The following ZFAT variants were observed in gnomAD, a reference collection of about 807,000 sequenced individuals.
ZFAT encodes the protein zinc finger and AT-hook domain containing.
ZFAT carries 64 observed loss-of-function variants against 117.7 expected under a neutral mutation model. The ratio of observed to expected loss-of-function variants is 0.54; its 90% CI spans 0.44 to 0.67. ZFAT has a LOEUF of 0.67. ZFAT is among the 30% of genes least tolerant of loss of function. ZFAT has a pLI of 0.00. For missense variants in ZFAT, 1,433 were observed against 1,584.5 expected, an observed-to-expected ratio of 0.90 and a Z score of 1.62; for synonymous variants, 679 against 615.0, an observed-to-expected ratio of 1.10 and a Z score of -1.54.
chr8:134,602,233 G>A lies in ZFAT; in HGVS notation c.1486C>T (p.Gln496Ter), dbSNP rs753678729. The A allele has an allele frequency of 6.2e-7, 1 of 1,613,620 alleles. No individual in the cohort carries two copies. The highest frequency in any genetic ancestry group is 2.2e-5 in the East Asian group (1 of 44,900). ...EALVFTSSIN[Q>*]SFCLLEPGGD... ...CCAGGTTCCAGGAGGCAGAAGCTCT[G>A]GTTGATGGAACTGGTGAAGACCAAG... Residue 496 changes from glutamine to a stop codon, truncating the protein, a stop_gained, in exon 6 of 16, where the codon CAG becomes TAG. Coordinates refer to ENST00000377838, the MANE Select transcript of ZFAT (RefSeq NM_020863.4). LOFTEE classifies it high-confidence loss of function.
intron 1 of ZFAT, among the ~76,000 whole-genome samples, chr8:134,677,182 T>C (rs1346929424): frequency 6.6e-6 from 1 of 151,878 alleles, no homozygotes; most frequent in African/African-American, 2.4e-5. Context: ...ATCAACAAAA[T>C]AGATAGACTT....
chr8:134,758,940 C>T, the ZFAT span, among the ~76,000 whole-genome samples: 1 of 152,026 alleles, frequency 6.6e-6, no homozygotes, highest in Non-Finnish European at 1.5e-5. Flanking sequence ...CAATGATGTG[C>T]CATGAATCAT....
intron 1 of ZFAT, among the ~76,000 whole-genome samples, chr8:134,685,305 C>A (rs1833266394): frequency 1.3e-5 from 2 of 152,290 alleles, no homozygotes; most frequent in Admixed American, 1.3e-4. Context: ...ATCTGCCCAC[C>A]CACCTGGTAC....
At chr8:134,717,124 T>G (rs1814220394), upstream of ZFAT, among the ~76,000 whole-genome samples, 1 of 152,214 alleles carries the variant, frequency 6.6e-6, no homozygotes, top group African/African-American at 2.4e-5. Flanking sequence ...AACTGCTATA[T>G]GGCCCTGCTA....
chr8:134,497,368 G>A (rs1818531129), intron 15 of ZFAT, among the ~76,000 whole-genome samples: 1 of 152,218 alleles, frequency 6.6e-6, no homozygotes, highest in Non-Finnish European at 1.5e-5. Context: ...CTGAGAACAG[G>A]CTTCTAAAAT....
intron 11 of ZFAT, chr8:134,564,984 C>T: frequency 8.0e-7 from 1 of 1,257,044 alleles, no homozygotes; most frequent in Non-Finnish European, 1.0e-6. Context: ...TCGGGTGACT[C>T]ACCTGCAGCA....
intron 3 of ZFAT, among the ~76,000 whole-genome samples, chr8:134,619,607 AG>A (rs1273829700): frequency 6.6e-6 from 1 of 152,200 alleles, no homozygotes; most frequent in Non-Finnish European, 1.5e-5. Context: ...TTTCACTGGA[AG>A]TCTTCCACCG....
intron 3 of ZFAT, among the ~76,000 whole-genome samples, chr8:134,634,054 C>A (rs1054952456): frequency 3.1e-5 from 3 of 97,232 alleles, no homozygotes; most frequent in Admixed American, 2.6e-4. Context: ...CTCAAAAAAA[C>A]AAAACAAAAC....
chr8:134,615,361 A>AT (rs1197296339), intron 3 of ZFAT, among the ~76,000 whole-genome samples: 1 of 151,896 alleles, frequency 6.6e-6, no homozygotes, highest in Admixed American at 6.6e-5. Flanking sequence ...TGATTTTTGT[A>AT]TTTTTTTAGT....
At chr8:134,492,921 T>G (rs1268712345) in intron 15 of ZFAT, among the ~76,000 whole-genome samples, 2 of 152,176 alleles carry the variant, frequency 1.3e-5, no homozygotes, top group Non-Finnish European at 2.9e-5. Context: ...AGCCATTCCA[T>G]ACATCAACGG....
chr8:134,682,666 AAAATT>A (rs1833127000), intron 1 of ZFAT, among the ~76,000 whole-genome samples: 3 of 152,250 alleles, frequency 2.0e-5, no homozygotes, highest in South Asian at 2.1e-4. Flanking sequence ...AAAATAAAAT[AAAATT>A]AAATTAAATT....
the ZFAT span, among the ~76,000 whole-genome samples, chr8:134,734,323 C>T: frequency 6.6e-6 from 1 of 152,248 alleles, no homozygotes; most frequent in African/African-American, 2.4e-5. Flanking sequence ...CCACTTCAGG[C>T]TGTTCCTATA....
chr8:134,481,499 T>C (rs975838019), intron 15 of ZFAT, among the ~76,000 whole-genome samples: 4 of 152,210 alleles, frequency 2.6e-5, no homozygotes, highest in African/African-American at 4.8e-5. Context: ...ACTCCTTCAC[T>C]GATGGAAATT....
At chr8:134,622,464 C>T (rs77981474) in intron 3 of ZFAT, among the ~76,000 whole-genome samples, 347 of 152,286 alleles carry the variant, frequency 2.3e-3, no homozygotes, top group African/African-American at 8.1e-3. Flanking sequence ...CTTTCTATGA[C>T]GACAGGGTCT....
At chr8:134,807,034 A>AT in the ZFAT span, among the ~76,000 whole-genome samples, 2 of 152,294 alleles carry the variant, frequency 1.3e-5, no homozygotes, top group Admixed American at 1.3e-4. Flanking sequence ...CTTTTAACAC[A>AT]TTTTTATAAA....
chr8:134,713,997 C>T (rs1232559702), upstream of ZFAT, among the ~76,000 whole-genome samples: 1 of 150,462 alleles, frequency 6.6e-6, no homozygotes, highest in African/African-American at 2.5e-5. Flanking sequence ...ATTTTCTGTT[C>T]ATGACAAATA....
intron 1 of ZFAT, among the ~76,000 whole-genome samples, chr8:134,673,819 G>T (rs1349919302): frequency 6.6e-6 from 1 of 152,192 alleles, no homozygotes; most frequent in Non-Finnish European, 1.5e-5. Context: ...CCAACATCAA[G>T]AATTTGAAGC....
rs1819934282 is a variant in ZFAT at position 134,512,539 on chromosome 8, T to G, written c.3297A>C (p.Glu1099Asp). ...TQYLHITEAE[E>D]DVQGTQAAVA... Reference sequence around the variant, plus strand: ...CCGCTGCCTGTGTCCCTTGAACGTCTTCTTCGGCCTCTGTGATGTGGAGAT... The same window carrying G: ...CCGCTGCCTGTGTCCCTTGAACGTCGTCTTCGGCCTCTGTGATGTGGAGAT... Residue 1099 changes from glutamate to aspartate, a missense_variant, in exon 14 of 16, where the codon GAA (glutamate) becomes GAC (aspartate). Glu to Asp is a conservative substitution (Grantham distance 45). Transcript: ENST00000377838. 3 of 1,614,042 alleles carry G rather than the reference T, an allele frequency of 1.9e-6. No individual in the cohort carries two copies. The highest frequency in any genetic ancestry group is 2.5e-6 in the Non-Finnish European group (3 of 1,179,894).
intron 10 of ZFAT, among the ~76,000 whole-genome samples, chr8:134,574,914 T>G (rs1369841879): frequency 6.6e-6 from 1 of 152,198 alleles, no homozygotes; most frequent in Non-Finnish European, 1.5e-5. Flanking sequence ...GAAAACTGAC[T>G]TTTACCCTTT....
Sources: allele counts gnomAD v4.1 joint callset (sites outside exome capture counted in the v4.1 genomes callset), GRCh38; gene constraint gnomAD v4.1.1; transcripts MANE v1.5; gene names NCBI Gene and HGNC (gene_info 2026-07-23, HGNC 2026-07-21).